The following SLC22A16 variants were observed in gnomAD, a reference collection of about 807,000 sequenced individuals.
SLC22A16 encodes the protein WUGSC:RG331P03.1.
Under a neutral mutation model 52.9 loss-of-function variants are expected in SLC22A16, and 53 were observed. The observed-to-expected ratio is 1.00, with a 90% confidence interval of 0.80 to 1.26. SLC22A16 has a LOEUF of 1.26. Among genes scored for constraint, SLC22A16 ranks in the 50% most tolerant of loss-of-function variants. The pLI, the probability that SLC22A16 is intolerant of heterozygous loss-of-function variation, is 0.00. For missense variants in SLC22A16, 726 were observed against 704.0 expected, an observed-to-expected ratio of 1.03 and a Z score of -0.35; for synonymous variants, 291 against 268.8, an observed-to-expected ratio of 1.08 and a Z score of -0.81.
chr6:110,428,141 G>A (rs999998718), intron 7 of SLC22A16, among the ~76,000 whole-genome samples: 1 of 152,120 alleles, frequency 6.6e-6, no homozygotes, highest in African/African-American at 2.4e-5. Flanking sequence ...CTTTTCAAAA[G>A]AGAAAATATA....
Position 110,442,784 on chromosome 6 carries a change from C to T in SLC22A16, c.652-9G>A, listed in dbSNP as rs533186602. On this transcript the variant is annotated splice_polypyrimidine_tract_variant and intron_variant, in intron 3 of 7. Coordinates refer to ENST00000368919, the MANE Select transcript of SLC22A16 (RefSeq NM_033125.4). ...AGATAGCCACTTGCAACCTGAAAAA[C>T]AAATAATAGGGATTTATATTCAAGG... 1.9e-6 allele frequency: 3 copies of T among 1,608,102 alleles called. No individual in the cohort carries two copies. The South Asian group carries it at 3.3e-5, about 18-fold the overall frequency.
chr6:110,451,423 C>T lies in SLC22A16; in HGVS notation c.534-4433G>A, dbSNP rs77611548. On this transcript the variant is annotated intron_variant, in intron 2 of 7. Coordinates refer to ENST00000368919, the MANE Select transcript of SLC22A16 (RefSeq NM_033125.4). ...GATTCTCAGTTTGCATTCACACCAG[C>T]AGGATGAGAGATCCTATTACTCCAT... 9.1e-3 allele frequency among the ~76,000 whole-genome samples: 1,389 copies of T among 152,318 alleles called. 14 individuals carry two copies. The highest frequency in any genetic ancestry group is 0.014 in the Non-Finnish European group (979 of 68,028).
rs527287499 is a variant in SLC22A16 at position 110,451,805 on chromosome 6, G to A, written c.533+4733C>T. Among the ~76,000 whole-genome samples the A allele has an allele frequency of 1.4e-4, 21 of 152,228 alleles. 1 individual carries two copies. In the South Asian group the frequency reaches 4.3e-3, roughly 32 times the overall value. On this transcript the variant is annotated intron_variant, in intron 2 of 7. Transcript: ENST00000368919. ...ATCCATTTTTTCTTTCATGATCAAT[G>A]TTTTTTGTGTTTTAGAAAAATCACC...
At position 110,442,514 on chromosome 6, in the gene SLC22A16, G is replaced by T. The variant is rs1464612786; in HGVS notation, c.913C>A (p.Gln305Lys). Residue 305 changes from glutamine (Q) to lysine (K), a missense_variant, in exon 4 of 8, where the codon CAA becomes AAA. Transcript: ENST00000368919. ...LLSEGRYEEA[Q>K]KIVDIMAKWN... ...TTGGCCATGATGTCAACTATTTTTT[G>T]TGCTTCTTCATATCGTCCCTCTGAG... The T allele has an allele frequency of 6.2e-7, 1 of 1,614,084 alleles. No individual in the cohort carries two copies. Among genetic ancestry groups the T allele is most frequent in the African/African-American group, 1.3e-5 (1 of 74,994 alleles).
chr6:110,444,069 C>T (rs1381833325), intron 3 of SLC22A16, among the ~76,000 whole-genome samples: 4 of 151,948 alleles, frequency 2.6e-5, no homozygotes, highest in African/African-American at 9.7e-5. Flanking sequence ...AGTATGAATG[C>T]ACTTAATATC....
intron 4 of SLC22A16, chr6:110,439,989 A>G (rs977207523): frequency 8.5e-5 from 13 of 152,256 alleles, no homozygotes; most frequent in Non-Finnish European, 1.6e-4. Flanking sequence ...CTTACAAAGA[A>G]CAATATATAG....
At chr6:110,460,307 C>T (rs1317554065) in intron 1 of SLC22A16, among the ~76,000 whole-genome samples, 2 of 152,036 alleles carry the variant, frequency 1.3e-5, no homozygotes, top group Non-Finnish European at 2.9e-5. Flanking sequence ...TTATGTGGAT[C>T]ATATTTATCA....
chr6:110,453,832 G>A (rs946795836), intron 2 of SLC22A16: 9 of 394,638 alleles, frequency 2.3e-5, no homozygotes, highest in African/African-American at 1.7e-4. Context: ...GAAGATCAAG[G>A]GTACTGGCTT....
chr6:110,424,884 G>A lies in SLC22A16; in HGVS notation c.1723C>T (p.Leu575Phe). Residue 575 changes from leucine to phenylalanine, a missense_variant, in exon 8 of 8, where the codon CTT (leucine) becomes TTT (phenylalanine). Coordinates refer to ENST00000368919, the MANE Select transcript of SLC22A16 (RefSeq NM_033125.4). ...TEAITPRDSGLGE is the reference protein window; with the variant it reads ...TEAITPRDSGFGE ...CAGGCATGGCACATTTATTCACCAA[G>A]ACCAGAATCCCTGGGGGTAATCGCT... The A allele has an allele frequency of 6.2e-7, 1 of 1,614,110 alleles. No individual in the cohort carries two copies. Among genetic ancestry groups the A allele is most frequent in the South Asian group, 1.1e-5 (1 of 91,064 alleles).
intron 3 of SLC22A16, among the ~76,000 whole-genome samples, chr6:110,444,677 C>T (rs925024098): frequency 7.2e-5 from 11 of 152,184 alleles, no homozygotes; most frequent in African/African-American, 2.7e-4. Context: ...AGGGTTGACA[C>T]TAGCAGGAGG....
intron 1 of SLC22A16, 23 bp downstream of exon 1, chr6:110,476,499 G>GACCCCA: frequency 2.7e-6 from 1 of 369,750 alleles, no homozygotes. Context: ...CCCGCGTGGC[G>GACCCCA]CCGCGGGGCC....
intron 1 of SLC22A16, 161 bp downstream of exon 1, chr6:110,476,361 G>C (rs1203918321): frequency 4.4e-6 from 6 of 1,357,872 alleles, no homozygotes; most frequent in South Asian, 1.8e-5. Flanking sequence ...AGCCCAGCTA[G>C]GGGCCGGCGT....
intron 2 of SLC22A16, chr6:110,453,686 G>A (rs1335457811): frequency 2.2e-6 from 1 of 456,190 alleles, no homozygotes. Flanking sequence ...AAGCAGTTAG[G>A]AAGCCTACTC....
chr6:110,466,312 T>A (rs2115018700), intron 1 of SLC22A16, among the ~76,000 whole-genome samples: 1 of 152,110 alleles, frequency 6.6e-6, no homozygotes, highest in Middle Eastern at 3.4e-3. Context: ...CTAAAAAGCT[T>A]CTGCACAGCA....
intron 1 of SLC22A16, 139 bp downstream of exon 1, chr6:110,476,383 T>G: frequency 1.2e-5 from 17 of 1,376,940 alleles, no homozygotes; most frequent in Middle Eastern, 2.4e-4. Context: ...TGGACGCCCG[T>G]GTCCCGACTG....
chr6:110,470,730 C>A (rs375096835), intron 1 of SLC22A16, among the ~76,000 whole-genome samples: 1 of 152,096 alleles, frequency 6.6e-6, no homozygotes, highest in African/African-American at 2.4e-5. Context: ...CCCTGGCAGG[C>A]CTCTGAAGCT....
chr6:110,474,786 T>G, intron 1 of SLC22A16: 2 of 397,406 alleles, frequency 5.0e-6, no homozygotes, highest in Non-Finnish European at 5.0e-6. Context: ...GTGGCACAGA[T>G]CCTGCTGTGG....
intron 1 of SLC22A16, among the ~76,000 whole-genome samples, chr6:110,468,162 A>ATTG (rs1287738277): frequency 2.0e-5 from 3 of 152,246 alleles, no homozygotes; most frequent in Non-Finnish European, 2.9e-5. Flanking sequence ...TACAAAGCAA[A>ATTG]ATGCAGGCGG....
chr6:110,439,811 A>T (rs1295880879), intron 4 of SLC22A16, among the ~76,000 whole-genome samples: 1 of 152,220 alleles, frequency 6.6e-6, no homozygotes, highest in Non-Finnish European at 1.5e-5. Context: ...ATCTCAAGCT[A>T]TCTAAAGTGA....
Sources: gnomAD v4.1 joint callset for allele counts (sites outside exome capture counted in the v4.1 genomes callset) on GRCh38, gnomAD v4.1.1 for gene constraint, MANE v1.5 for transcripts, NCBI Gene and HGNC (gene_info 2026-07-23, HGNC 2026-07-21) for gene names.